The following MBD3 variants were observed in gnomAD, a reference collection of about 807,000 sequenced individuals.
MBD3 encodes methyl-CpG binding domain protein 3, also known as methyl-CpG-binding domain protein 3.
In MBD3, 13 loss-of-function variants were observed where a neutral mutation model predicts 31.2. The observed-to-expected ratio is 0.42, with a 90% CI of 0.27 to 0.66. MBD3 has a LOEUF of 0.66. MBD3 is among the 30% of genes least tolerant of loss of function. The pLI, the probability that MBD3 is intolerant of heterozygous loss-of-function variation, is 0.26. For missense variants in MBD3, 440 were observed against 426.5 expected (o/e 1.03, Z -0.28); for synonymous variants, 223 against 187.4 (o/e 1.19, Z -1.55).
chr19:1,587,943 C>T (rs1165729358), intron 1 of MBD3, among the ~76,000 whole-genome samples: 2 of 152,324 alleles, frequency 1.3e-5, no homozygotes, highest in South Asian at 4.1e-4. Flanking sequence ...ACGTCCTGGC[C>T]CATGGCAGAT....
rs2060671796 is a variant in MBD3 at position 1,585,017 on chromosome 19, C to T, written c.270+38G>A. On this transcript the variant is annotated intron_variant, in intron 2 of 6. Coordinates refer to ENST00000434436, the MANE Select transcript of MBD3 (RefSeq NM_001281453.2). This position sits in a 1 kb window ranked among gnomAD's most constrained non-coding sequence, Gnocchi z 4.1. Reference sequence around the variant, plus strand: ...CATGGCCGCGTCCCCGCCTAGAACGCCCCGCGCCGACGTCACCTGCGTGAC... The same window carrying T: ...CATGGCCGCGTCCCCGCCTAGAACGTCCCGCGCCGACGTCACCTGCGTGAC... 2 of 1,605,586 alleles carry T rather than the reference C, an allele frequency of 1.2e-6. No homozygotes were observed. The highest frequency in any genetic ancestry group is 2.2e-5 in the East Asian group (1 of 44,824).
Position 1,575,172 on chromosome 19 carries a change from G to C in MBD3, c.*2992C>G, listed in dbSNP as rs1424937624. The C allele has an allele frequency of 2.3e-6, 1 of 436,692 alleles. No homozygotes were observed. Among genetic ancestry groups the C allele is most frequent in the South Asian group, 1.6e-5 (1 of 61,892 alleles). 27.1% of individuals were successfully genotyped at this position (436,692 alleles called of 1,614,324 possible). ...AGGGCTGCCATGGTGGTTCACACCT[G>C]TAATCCCGGCAATTTGGGAAGCTGG... On this transcript the variant is annotated 3_prime_UTR_variant, in exon 7 of 7. Coordinates refer to ENST00000434436, the MANE Select transcript of MBD3 (RefSeq NM_001281453.2).
Position 1,585,401 on chromosome 19 carries a change from GACCCCAGACCTTC to G in MBD3, c.111-200_111-188del. ...CAGCCCCAGACCCCAACCCTGGCGT[GACCCCAGACCTTC>G]ATCCCAGACCCCAGCACCCCACAAC... On this transcript the variant is annotated intron_variant, in intron 1 of 6. Transcript: ENST00000434436. The surrounding 1 kb of genome is among the most constrained non-coding windows in gnomAD (Gnocchi z 4.1). 1 of 615,778 alleles carries G rather than the reference GACCCCAGACCTTC, an allele frequency of 1.6e-6. No homozygotes were observed. The allele number at this position is 615,778 out of a possible 1,614,324, so 38.1% of individuals were successfully genotyped here. A position where few individuals can be genotyped will look rare whatever the true frequency, so the allele number is the denominator to read the frequency against.
intron 4 of MBD3, among the ~76,000 whole-genome samples, chr19:1,582,093 G>A (rs887334324): frequency 6.6e-6 from 1 of 151,946 alleles, no homozygotes; most frequent in African/African-American, 2.4e-5. Flanking sequence ...GTAGAGATGG[G>A]GTCTCACTAT....
At chr19:1,587,088 C>T (rs186128627) in intron 1 of MBD3, among the ~76,000 whole-genome samples, 3 of 152,010 alleles carry the variant, frequency 2.0e-5, no homozygotes, top group Admixed American at 1.3e-4. Flanking sequence ...GACTCAGCCT[C>T]CCGAGTAGCT....
In MBD3 at chr19:1,576,594, C is replaced by T. The variant is rs1416748995; in HGVS notation, c.*1570G>A. 1 of 152,280 alleles carries T rather than the reference C, an allele frequency of 6.6e-6. No homozygotes were observed. The highest frequency in any genetic ancestry group is 1.5e-5 in the Non-Finnish European group (1 of 68,080). The allele number at this position is 152,280 out of a possible 1,614,324, so 9.4% of individuals were successfully genotyped here. A position where few individuals can be genotyped will look rare whatever the true frequency, so the allele number is the denominator to read the frequency against. On this transcript the variant is annotated 3_prime_UTR_variant, in exon 7 of 7. Coordinates refer to ENST00000434436, the MANE Select transcript of MBD3 (RefSeq NM_001281453.2). ...GGGACCTGCTGGCCCTGTCCCCACA[C>T]CGCTTTCAGCCTTTCATCACCCAAC... is the stretch of plus-strand genomic sequence containing the variant.
intron 4 of MBD3, 169 bp from the exon 5 acceptor site, chr19:1,581,438 A>G (rs1917351768): frequency 1.4e-6 from 1 of 728,182 alleles, no homozygotes. Flanking sequence ...TACTACATTC[A>G]TAACAGAAAA....
rs371478103 is a variant in MBD3 at position 1,592,590 on chromosome 19, G to A, written c.42C>T (p.Gly14=). ...TTCTGGGCACTTCTTCCCTCTCCCA[G>A]CCCTGCGGGAGCGCCGGGCACTCCC... is the stretch of plus-strand genomic sequence containing the variant. ...KRWECPALPQ[G]WEREEVPRRS... Residue 14 remains glycine (G), a synonymous_variant, in exon 1 of 7, where the codon GGC becomes GGT. Transcript: ENST00000434436. 3 of 1,418,656 alleles carry A rather than the reference G, an allele frequency of 2.1e-6. No individual in the cohort carries two copies. The highest frequency in any genetic ancestry group is 1.2e-5 in the South Asian group (1 of 82,588). The allele number at this position is 1,418,656 out of a possible 1,614,324, so 87.9% of individuals were successfully genotyped here.
intron 4 of MBD3, 102 bp from the exon 5 acceptor site, chr19:1,581,371 T>C: frequency 8.3e-7 from 1 of 1,208,394 alleles, no homozygotes; most frequent in East Asian, 2.5e-5. Context: ...AGCTGCCACC[T>C]TCTTGGAAGG....
Position 1,592,556 on chromosome 19 carries a change from GC to G in MBD3, c.75del (p.Leu26CysfsTer34). ...AAGACATCCCTGTGGCCGGCCGACA[GC>G]CCCGACCTTCTGGGCACTTCTTCCC... ...WEREEVPRRS[G>X]LSAGHRDVFY... On this transcript the variant is annotated frameshift_variant, in exon 1 of 7. Transcript: ENST00000434436. LOFTEE classifies it high-confidence loss of function. 6.9e-7 allele frequency: 1 copy of G among 1,443,180 alleles called. No homozygotes were observed. 89.4% of individuals were successfully genotyped at this position (1,443,180 alleles called of 1,614,324 possible).
At position 1,584,624 on chromosome 19, in the gene MBD3, G is replaced by A. The variant is rs1285024846; in HGVS notation, c.324C>T (p.Phe108=). ...ALPVRQTASI[F]KQPVTKITNH... Reference sequence around the variant, plus strand: ...TGGTAATCTTGGTCACCGGCTGCTTGAAGATGGACGCCGTCTGGCGCACGG... The same window carrying A: ...TGGTAATCTTGGTCACCGGCTGCTTAAAGATGGACGCCGTCTGGCGCACGG... Residue 108 remains phenylalanine (F), a synonymous_variant, in exon 3 of 7, where the codon TTC becomes TTT. Transcript: ENST00000434436. The A allele has an allele frequency of 6.2e-7, 1 of 1,613,850 alleles. No individual in the cohort carries two copies. The highest frequency in any genetic ancestry group is 8.5e-7 in the Non-Finnish European group (1 of 1,179,942).
chr19:1,584,420 G>A (rs149040003), intron 3 of MBD3, 120 bp downstream of exon 3: 105 of 1,454,632 alleles, frequency 7.2e-5, no homozygotes, highest in Middle Eastern at 6.4e-4. Flanking sequence ...TGTTGCCCAG[G>A]CTAGCCTGGA....
Position 1,581,261 on chromosome 19 carries a change from G to A in MBD3, c.508C>T (p.Pro170Ser). 6.2e-7 allele frequency: 1 copy of A among 1,608,182 alleles called. No individual in the cohort carries two copies. The highest frequency in any genetic ancestry group is 8.5e-7 in the Non-Finnish European group (1 of 1,179,876). Reference protein sequence around the residue: ...DLPKGLQGVGPGCTDETLLSA... With the variant: ...DLPKGLQGVGSGCTDETLLSA... The stretch of plus-strand genomic sequence containing the variant: ...AGCAGCGTCTCATCCGTGCAGCCAG[G>A]TCCCACCCCTGCCAGGCAGTGGACA... The change falls in exon 5 of 7, where the codon CCT becomes TCT. Residue 170 changes from proline (P) to serine (S), a missense_variant. Around this residue, in one of 3 missense-constraint regions of MBD3, gnomAD observed 144 missense variants for 196.9 expected, o/e 0.73. Transcript: ENST00000434436.
At chr19:1,588,802 G>T (rs866830739) in intron 1 of MBD3, among the ~76,000 whole-genome samples, 7 of 121,852 alleles carry the variant, frequency 5.7e-5, no homozygotes, top group Non-Finnish European at 1.2e-4. Flanking sequence ...AAAAAAAAAA[G>T]GTGTAAGGCG....
Position 1,575,485 on chromosome 19 carries a change from AG to A in MBD3, c.*2678del, listed in dbSNP as rs1398688192. The A allele has an allele frequency of 3.3e-6, 1 of 300,092 alleles. No homozygotes were observed. The highest frequency in any genetic ancestry group is 2.3e-5 in the African/African-American group (1 of 44,192). The allele number at this position is 300,092 out of a possible 1,614,324, so 18.6% of individuals were successfully genotyped here. Reference sequence around the variant, plus strand: ...GCTGGGGGCAGCCAAGTGGCCTTTGAGGATGGGGCCAGGCACCGCACAGGGC... The same window carrying A: ...GCTGGGGGCAGCCAAGTGGCCTTTGAGATGGGGCCAGGCACCGCACAGGGC... On this transcript the variant is annotated 3_prime_UTR_variant, in exon 7 of 7. Coordinates refer to ENST00000434436, the MANE Select transcript of MBD3 (RefSeq NM_001281453.2).
chr19:1,589,104 G>A (rs553548310), intron 1 of MBD3, among the ~76,000 whole-genome samples: 1 of 152,108 alleles, frequency 6.6e-6, no homozygotes, highest in East Asian at 1.9e-4. Flanking sequence ...AGCAAAGGAG[G>A]GCCAATCACC....
rs749059706 is a variant in MBD3, at chr19:1,578,320, G to A, written c.*5+15C>T. On this transcript the variant is annotated intron_variant, in intron 6 of 6. Transcript: ENST00000434436. The surrounding 1 kb of genome is among the most constrained non-coding windows in gnomAD (Gnocchi z 6.1). Reference sequence around the variant, plus strand: ...CAGGACCCGACTCCAGGGAGCCCCCGTGGCCCCGCAGCACCTGCCCTAGAC... The same window carrying A: ...CAGGACCCGACTCCAGGGAGCCCCCATGGCCCCGCAGCACCTGCCCTAGAC... 6.9e-6 allele frequency: 11 copies of A among 1,601,066 alleles called. No homozygotes were observed. The highest frequency in any genetic ancestry group is 3.3e-5 in the South Asian group (3 of 91,014).
At chr19:1,592,438 G>T in intron 1 of MBD3, 84 bp downstream of exon 1, 1 of 482,386 alleles carries the variant, frequency 2.1e-6, no homozygotes, top group Non-Finnish European at 3.0e-6. Context: ...CCAGGCCGCG[G>T]CCCGGGGCAG....
chr19:1,583,485 C>T (rs938829523), intron 3 of MBD3: 1 of 152,000 alleles, frequency 6.6e-6, no homozygotes, highest in Non-Finnish European at 1.5e-5. Context: ...GGCAGTCAAC[C>T]CCCTGTATCT....
Sources: gnomAD v4.1 joint callset for allele counts (sites outside exome capture counted in the v4.1 genomes callset) on GRCh38, gnomAD v4.1.1 for gene constraint, gnomAD v4.1.1 regional missense constraint, Gnocchi (gnomAD v3.1) non-coding constraint, MANE v1.5 for transcripts, NCBI Gene and HGNC (gene_info 2026-07-23, HGNC 2026-07-21) for gene names.